The following UNC13B variants were observed in gnomAD, a reference collection of about 807,000 sequenced individuals.
UNC13B encodes the protein protein unc-13 homolog B.
UNC13B carries 144 observed loss-of-function variants against 211.0 expected under a neutral mutation model. The ratio of observed to expected loss-of-function variants is 0.68; its 90% CI spans 0.60 to 0.78. The LOEUF (loss-of-function observed/expected upper bound fraction) is 0.78, where lower values mean the gene tolerates loss of function less well. UNC13B is among the 30% of genes least tolerant of loss of function. UNC13B has a pLI of 0.00. For synonymous variants in UNC13B, 709 were observed against 725.8 expected, an observed-to-expected ratio of 0.98 and a Z score of 0.37; for missense variants, 1,777 against 2,002.0, an observed-to-expected ratio of 0.89 and a Z score of 2.14.
intron 11 of UNC13B, among the ~76,000 whole-genome samples, chr9:35,321,218 C>A (rs1177129810): frequency 6.6e-6 from 1 of 151,710 alleles, no homozygotes. Context: ...CCTCTTGTTT[C>A]TTTCTTTTCT....
At chr9:35,260,038 CA>C (rs61273217) in intron 7 of UNC13B, among the ~76,000 whole-genome samples, 3 of 64,802 alleles carry the variant, frequency 4.6e-5, no homozygotes, top group Admixed American at 2.6e-4. Context: ...CTCATTTCTA[CA>C]AAAAAAAAAA....
chr9:35,297,272 A>G (rs1484292881), intron 8 of UNC13B, among the ~76,000 whole-genome samples: 1 of 151,384 alleles, frequency 6.6e-6, no homozygotes, highest in Non-Finnish European at 1.5e-5. Flanking sequence ...TATTTTTGGT[A>G]GAGACGGGGT....
At chr9:35,347,957 G>T (rs1241441025) in intron 11 of UNC13B, among the ~76,000 whole-genome samples, 2 of 152,142 alleles carry the variant, frequency 1.3e-5, no homozygotes, top group East Asian at 1.9e-4. Context: ...TGTCTGGAGG[G>T]CTGGGCACGG....
chr9:35,278,933 C>T (rs2131716469), intron 7 of UNC13B, among the ~76,000 whole-genome samples: 1 of 152,202 alleles, frequency 6.6e-6, no homozygotes, highest in South Asian at 2.1e-4. Flanking sequence ...CCCCCACCCC[C>T]ATGAATGGTA....
In UNC13B at chr9:35,399,227, C is replaced by G. The variant is rs372741607; in HGVS notation, c.12141C>G (p.Arg4047=). 1 of 1,614,112 alleles carries G rather than the reference C, an allele frequency of 6.2e-7. No individual in the cohort carries two copies. The highest frequency in any genetic ancestry group is 1.7e-5 in the Admixed American group (1 of 60,012). The change falls in exon 34 of 40, where the codon CGC becomes CGG. Residue 4047 remains arginine (R), a synonymous_variant. Coordinates refer to ENST00000635942, the MANE Select transcript of UNC13B (RefSeq NM_001371189.2). ...VLKRVLKELW[R]VVMNTMERMI... ...AGCGTGTACTGAAGGAGCTCTGGCGCGTGGTGATGAACACAATGGAGAGGA... is the reference window on the plus strand; with the variant it reads ...AGCGTGTACTGAAGGAGCTCTGGCGGGTGGTGATGAACACAATGGAGAGGA...
chr9:35,197,608 CTCATGTCGAATT>C (rs1823016746), intron 1 of UNC13B, among the ~76,000 whole-genome samples: 1 of 152,216 alleles, frequency 6.6e-6, no homozygotes, highest in Non-Finnish European at 1.5e-5. Flanking sequence ...CCACTCAAAT[CTCATGTCGAATT>C]GTATTGTAAT....
intron 12 of UNC13B, among the ~76,000 whole-genome samples, chr9:35,368,837 A>G (rs1298075734): frequency 6.6e-6 from 1 of 151,938 alleles, no homozygotes; most frequent in African/African-American, 2.4e-5. Context: ...TCTTGCCTTA[A>G]GAGATACATA....
intron 1 of UNC13B, among the ~76,000 whole-genome samples, chr9:35,223,235 G>A (rs1316417550): frequency 6.6e-6 from 1 of 152,132 alleles, no homozygotes. Context: ...GGATCATGTG[G>A]TAGTTCTGTT....
At chr9:35,180,069 G>T (rs1257346870) in intron 1 of UNC13B, among the ~76,000 whole-genome samples, 1 of 152,138 alleles carries the variant, frequency 6.6e-6, no homozygotes, top group African/African-American at 2.4e-5. Flanking sequence ...TCCAACTGAG[G>T]TTTATTTATT....
Position 35,386,201 on chromosome 9 carries a change from G to C in UNC13B, c.11002G>C (p.Val3668Leu). 3 of 1,614,184 alleles carry C rather than the reference G, an allele frequency of 1.9e-6. No individual in the cohort carries two copies. The South Asian group carries it at 3.3e-5, about 18-fold the overall frequency. ...GCAAAGCCCTCCAAGAGCCAGCCAG[G>C]TGGTAAAGGATTGTGTGAAGGCCTG... ...ELQSPPRASQ[V>L]VKDCVKACLN... The change falls in exon 24 of 40, where the codon GTG (valine) becomes CTG (leucine). Residue 3668 changes from valine (V) to leucine (L), a missense_variant. Coordinates refer to ENST00000635942, the MANE Select transcript of UNC13B (RefSeq NM_001371189.2).
At position 35,295,688 on chromosome 9, in the gene UNC13B, T is replaced by A. The variant is rs200614953; in HGVS notation, c.527-8T>A. ...GGGGTGCTTTGATTGAATGTGCTTA[T>A]TCCATAGCTTTTGAAGACCCTGATA... On this transcript the variant is annotated splice_polypyrimidine_tract_variant and splice_region_variant and intron_variant, in intron 7 of 39. Transcript: ENST00000635942. The A allele has an allele frequency of 6.8e-6, 11 of 1,613,690 alleles. No individual in the cohort carries two copies. In the East Asian group the frequency reaches 2.5e-4, roughly 36 times the overall value.
intron 1 of UNC13B, among the ~76,000 whole-genome samples, chr9:35,217,452 G>T (rs1216396649): frequency 6.7e-6 from 1 of 148,782 alleles, no homozygotes; most frequent in Admixed American, 6.7e-5. Context: ...GCAGTGGCGT[G>T]ATCTCAGCTC....
rs762951390 is a variant in UNC13B at position 35,399,279 on chromosome 9, C to T, written c.12193C>T (p.Gln4065Ter). The T allele has an allele frequency of 3.1e-6, 5 of 1,614,124 alleles. No homozygotes were observed. The Admixed American group carries it at 6.7e-5, about 22-fold the overall frequency. The change falls in exon 34 of 40, where the codon CAG (glutamine) becomes TAG (stop). Residue 4065 changes from glutamine to a stop codon, truncating the protein, a stop_gained. Transcript: ENST00000635942. LOFTEE classifies it high-confidence loss of function. ...GATTGTTCTGCCCCCACTCACTGAC[C>T]AGACGGTAAGGACACCTCCTTCCAC... ...RMIVLPPLTD[Q>*]TGTQLIFTAA... is the part of the protein sequence containing the mutation.
At chr9:35,357,812 A>G (rs990879253) in intron 11 of UNC13B, among the ~76,000 whole-genome samples, 3 of 152,190 alleles carry the variant, frequency 2.0e-5, no homozygotes, top group Non-Finnish European at 2.9e-5. Flanking sequence ...TATTATGTGG[A>G]ACATTTTAAC....
At position 35,207,840 on chromosome 9, in the gene UNC13B, A is replaced by G. The variant is rs566525369; in HGVS notation, c.23-20175A>G. Among the ~76,000 whole-genome samples, 3 of 152,264 alleles carry G rather than the reference A, an allele frequency of 2.0e-5. No individual in the cohort carries two copies. The South Asian group carries it at 6.2e-4, about 32-fold the overall frequency. On this transcript the variant is annotated intron_variant, in intron 1 of 39. Coordinates refer to ENST00000635942, the MANE Select transcript of UNC13B (RefSeq NM_001371189.2). Reference sequence around the variant, plus strand: ...TCTTAATAGTATCCTTTAAAGTGCAAAAGTTTTAATTTTGATGAAGACTAA... The same window carrying G: ...TCTTAATAGTATCCTTTAAAGTGCAGAAGTTTTAATTTTGATGAAGACTAA...
intron 1 of UNC13B, among the ~76,000 whole-genome samples, chr9:35,177,940 C>A (rs111742579): frequency 3.9e-5 from 6 of 152,148 alleles, no homozygotes; most frequent in African/African-American, 1.4e-4. Context: ...AATTGGGATA[C>A]GAAGCATAGA....
At chr9:35,209,698 C>T (rs1823860808) in intron 1 of UNC13B, among the ~76,000 whole-genome samples, 1 of 152,204 alleles carries the variant, frequency 6.6e-6, no homozygotes, top group Non-Finnish European at 1.5e-5. Context: ...CTTGAGAAAA[C>T]TTGGCAATGA....
chr9:35,230,138 C>G (rs1194982862), intron 2 of UNC13B, among the ~76,000 whole-genome samples: 1 of 152,124 alleles, frequency 6.6e-6, no homozygotes, highest in Non-Finnish European at 1.5e-5. Flanking sequence ...GTACTCAACT[C>G]TCAGGTTAGA....
At chr9:35,374,969 C>A (rs969571423) in intron 13 of UNC13B, among the ~76,000 whole-genome samples, 158 bp from the exon 14 acceptor site, 1 of 152,222 alleles carries the variant, frequency 6.6e-6, no homozygotes, top group Non-Finnish European at 1.5e-5. Flanking sequence ...TAACCTGGGA[C>A]ACTTGTCACC....
Sources: gnomAD v4.1 joint callset for allele counts (sites outside exome capture counted in the v4.1 genomes callset) on GRCh38, gnomAD v4.1.1 for gene constraint, MANE v1.5 for transcripts, NCBI Gene and HGNC (gene_info 2026-07-23, HGNC 2026-07-21) for gene names.